The following NRIP1 variants were observed in gnomAD, a reference collection of about 807,000 sequenced individuals.
NRIP1 encodes the protein nuclear receptor interacting protein 1.
NRIP1 carries 28 observed loss-of-function variants against 75.0 expected under a neutral mutation model. That is an observed-to-expected ratio of 0.37 (90% CI 0.28 to 0.51). NRIP1 has a LOEUF of 0.51. Among genes scored for constraint, NRIP1 ranks in the 20% least tolerant of loss-of-function variants. The pLI is 0.92. For missense variants in NRIP1, 1,435 were observed against 1,343.7 expected (o/e 1.07, Z -1.06); for synonymous variants, 526 against 487.6 (o/e 1.08, Z -1.04).
chr21:14,966,423 C>G lies in NRIP1; in HGVS notation c.1770G>C (p.Lys590Asn), dbSNP rs2086744932. 1 of 1,614,064 alleles carries G rather than the reference C, an allele frequency of 6.2e-7. No homozygotes were observed. Among genetic ancestry groups the G allele is most frequent in the African/African-American group, 1.3e-5 (1 of 75,026 alleles). The change falls in exon 4 of 4, where the codon AAG becomes AAC. Residue 590 changes from lysine to asparagine, a missense_variant. Transcript: ENST00000318948. ...PPYVCSTQSEKLTNTASNHSM... is the reference protein window; with the variant it reads ...PPYVCSTQSENLTNTASNHSM... Reference sequence around the variant, plus strand: ...AGTGGTTAGATGCAGTATTTGTTAGCTTTTCAGACTGAGTACTGCAGACAT... The same window carrying G: ...AGTGGTTAGATGCAGTATTTGTTAGGTTTTCAGACTGAGTACTGCAGACAT...
At chr21:14,973,044 G>C (rs1036237265) in intron 3 of NRIP1, among the ~76,000 whole-genome samples, 2 of 152,112 alleles carry the variant, frequency 1.3e-5, no homozygotes, top group African/African-American at 4.8e-5. Context: ...TGAATCCTCT[G>C]GTTTGTTATT....
intron 2 of NRIP1, among the ~76,000 whole-genome samples, chr21:15,021,548 G>T (rs1284360380): frequency 6.6e-6 from 1 of 152,098 alleles, no homozygotes; most frequent in Admixed American, 6.5e-5. Context: ...TGGATGAATT[G>T]CTGGATACAT....
At chr21:15,006,182 A>C (rs958223958) in intron 3 of NRIP1, among the ~76,000 whole-genome samples, 6 of 152,194 alleles carry the variant, frequency 3.9e-5, no homozygotes, top group Non-Finnish European at 1.5e-5. Context: ...ACGGAAAAAA[A>C]AAATCATTAG....
intron 3 of NRIP1, among the ~76,000 whole-genome samples, chr21:14,975,417 T>C (rs1454060498): frequency 2.0e-5 from 3 of 152,156 alleles, no homozygotes; most frequent in African/African-American, 7.2e-5. Context: ...TTTTTATTTT[T>C]TTACATTCTT....
At chr21:14,988,391 C>G (rs1468239798) in intron 3 of NRIP1, among the ~76,000 whole-genome samples, 1 of 151,644 alleles carries the variant, frequency 6.6e-6, no homozygotes, top group Non-Finnish European at 1.5e-5. Flanking sequence ...CTATATAAAG[C>G]TCCTTGAGGC....
chr21:15,010,523 A>G (rs756254371), intron 3 of NRIP1, among the ~76,000 whole-genome samples: 5 of 152,268 alleles, frequency 3.3e-5, no homozygotes, highest in Admixed American at 2.0e-4. Flanking sequence ...GATACTAAGT[A>G]AAAGACTTAA....
At position 14,961,606 on chromosome 21, in the gene NRIP1, T is replaced by G. The variant is rs1284150994; in HGVS notation, c.*3110A>C. ...TTAAGACCCTTCGAATCAAAGCACATTCTTTCACAAAGCTTAAACCACAGA... is the reference window on the plus strand; with the variant it reads ...TTAAGACCCTTCGAATCAAAGCACAGTCTTTCACAAAGCTTAAACCACAGA... On this transcript the variant is annotated 3_prime_UTR_variant, in exon 4 of 4. Coordinates refer to ENST00000318948, the MANE Select transcript of NRIP1 (RefSeq NM_003489.4). 2 of 152,432 alleles carry G rather than the reference T, an allele frequency of 1.3e-5. No individual in the cohort carries two copies. Among genetic ancestry groups the G allele is most frequent in the Non-Finnish European group, 2.9e-5 (2 of 67,902 alleles). The allele number at this position is 152,432 out of a possible 1,614,324, so 9.4% of individuals were successfully genotyped here. A position where few individuals can be genotyped will look rare whatever the true frequency, so the allele number is the denominator to read the frequency against.
chr21:14,965,460 A>C lies in NRIP1; in HGVS notation c.2733T>G (p.Tyr911Ter). The change falls in exon 4 of 4, where the codon TAT (tyrosine) becomes TAG (stop). Residue 911 changes from tyrosine to a stop codon, truncating the protein, a stop_gained. Transcript: ENST00000318948. LOFTEE classifies it high-confidence loss of function. ...CGCTGGCTGAGCCATGACCAGCAGG[A>C]TATTTAAATTCAAGATCATTTCTGC... ...KFSRNDLEFKYPAGHGSASES... is the reference protein window; with the variant it reads ...KFSRNDLEFK The C allele has an allele frequency of 6.2e-7, 1 of 1,613,928 alleles. No individual in the cohort carries two copies. The highest frequency in any genetic ancestry group is 1.1e-5 in the South Asian group (1 of 91,056).
intron 3 of NRIP1, among the ~76,000 whole-genome samples, chr21:14,995,363 G>T (rs1441930039): frequency 2.6e-5 from 4 of 152,184 alleles, no homozygotes; most frequent in Non-Finnish European, 5.9e-5. Context: ...ACTGTATGAG[G>T]AGGTTTCTTA....
chr21:14,975,275 C>G lies in NRIP1; in HGVS notation c.-334-6749G>C, dbSNP rs186469574. Reference sequence around the variant, plus strand: ...TTTTTCCATTCATCTTCTGGTTTATCTAAGTGAAATATCTTCGTTTGTCAA... The same window carrying G: ...TTTTTCCATTCATCTTCTGGTTTATGTAAGTGAAATATCTTCGTTTGTCAA... On this transcript the variant is annotated intron_variant, in intron 3 of 3. Coordinates refer to ENST00000318948, the MANE Select transcript of NRIP1 (RefSeq NM_003489.4). Among the ~76,000 whole-genome samples the G allele has an allele frequency of 1.2e-3, 188 of 152,178 alleles. 1 individual carries two copies. The highest frequency in any genetic ancestry group is 8.4e-4 in the Non-Finnish European group (57 of 68,004).
At chr21:14,985,121 A>G (rs2087359191) in intron 3 of NRIP1, among the ~76,000 whole-genome samples, 2 of 152,316 alleles carry the variant, frequency 1.3e-5, no homozygotes, top group East Asian at 1.9e-4. Context: ...ATGAGAGTAT[A>G]AACTCCTTAT....
At chr21:14,973,426 G>A (rs2086959589) in intron 3 of NRIP1, among the ~76,000 whole-genome samples, 1 of 151,896 alleles carries the variant, frequency 6.6e-6, no homozygotes, top group Non-Finnish European at 1.5e-5. Context: ...GCAAAGTGAA[G>A]AAACATCTTT....
chr21:15,036,644 T>C (rs2088839509), intron 2 of NRIP1, among the ~76,000 whole-genome samples: 2 of 152,102 alleles, frequency 1.3e-5, no homozygotes, highest in Admixed American at 1.3e-4. Context: ...TCTTAGATAC[T>C]GTTCTTAGCA....
rs1344953577 is a variant in NRIP1 at position 15,022,023 on chromosome 21, C to T, written c.-457-7557G>A. On this transcript the variant is annotated intron_variant, in intron 2 of 3. Coordinates refer to ENST00000318948, the MANE Select transcript of NRIP1 (RefSeq NM_003489.4). Reference sequence around the variant, plus strand: ...CTAGAGGCAGAAATAACATTTGACCCAGCAATCCCATTACTGGGTATACAC... The same window carrying T: ...CTAGAGGCAGAAATAACATTTGACCTAGCAATCCCATTACTGGGTATACAC... Among the ~76,000 whole-genome samples, 5 of 152,280 alleles carry T rather than the reference C, an allele frequency of 3.3e-5. No individual in the cohort carries two copies. The East Asian group carries it at 9.6e-4, about 29-fold the overall frequency.
chr21:14,990,362 C>A (rs555395413), intron 3 of NRIP1, among the ~76,000 whole-genome samples: 33 of 151,878 alleles, frequency 2.2e-4, no homozygotes, highest in African/African-American at 7.7e-4. Context: ...GAACTGTGTA[C>A]TAGGGAGGGC....
intron 3 of NRIP1, among the ~76,000 whole-genome samples, chr21:14,988,549 GA>G (rs956498262): frequency 1.2e-4 from 18 of 150,972 alleles, no homozygotes; most frequent in African/African-American, 3.9e-4. Context: ...AAAAACTAAA[GA>G]AAAAGCATTT....
chr21:14,992,739 T>C (rs547174040), intron 3 of NRIP1: 64 of 152,240 alleles, frequency 4.2e-4, no homozygotes, highest in African/African-American at 1.5e-3. Context: ...AGTCCCTAAA[T>C]TTGGCAATAC....
intron 2 of NRIP1, among the ~76,000 whole-genome samples, chr21:15,033,591 A>C (rs984027575): frequency 1.3e-5 from 2 of 152,238 alleles, no homozygotes; most frequent in Non-Finnish European, 2.9e-5. Context: ...CATGGAATGT[A>C]AGTTTTAAAA....
intron 2 of NRIP1, among the ~76,000 whole-genome samples, chr21:15,029,677 G>A (rs893544426): frequency 7.9e-5 from 12 of 152,008 alleles, no homozygotes; most frequent in Non-Finnish European, 1.6e-4. Context: ...ACTGGGTAGG[G>A]TGCATAGTTC....
Sources: allele counts gnomAD v4.1 joint callset (sites outside exome capture counted in the v4.1 genomes callset), GRCh38; gene constraint gnomAD v4.1.1; transcripts MANE v1.5; gene names NCBI Gene and HGNC (gene_info 2026-07-23, HGNC 2026-07-21).